Variants in CMPK2 observed in about 807,000 individuals in gnomAD.
The protein encoded by CMPK2 is cytidine/uridine monophosphate kinase 2, also known as UMP-CMP kinase 2, mitochondrial.
Under a neutral mutation model 33.4 loss-of-function variants are expected in CMPK2, and 32 were observed. The observed-to-expected ratio is 0.96, with a 90% confidence interval of 0.72 to 1.29. CMPK2 has a LOEUF of 1.29. Ranked by LOEUF, CMPK2 falls within the 50% of genes most tolerant of loss-of-function variation. The pLI, the probability that CMPK2 is intolerant of heterozygous loss-of-function variation, is 0.00. For missense variants in CMPK2, 672 were observed against 616.0 expected (o/e 1.09, Z -0.96); for synonymous variants, 299 against 275.3 (o/e 1.09, Z -0.85).
rs1273071175 is a variant in CMPK2, at chr2:6,842,994, G to T, written c.993-2316C>A. 3.3e-5 allele frequency among the ~76,000 whole-genome samples: 5 copies of T among 152,122 alleles called. No individual in the cohort carries two copies. The East Asian group carries it at 9.6e-4, about 29-fold the overall frequency. On this transcript the variant is annotated intron_variant, in intron 3 of 3. Coordinates refer to the CMPK2 transcript ENST00000458098. ...TTAAGAAGAGCCTCAGTGCATTTTT[G>T]AGAAAGTCCCTCAGTTGGGACACAG...
Position 6,865,340 on chromosome 2 carries a change from G to C in CMPK2, c.357C>G (p.Cys119Trp). The change falls in exon 1 of 5, where the codon TGC becomes TGG. Residue 119 changes from cysteine to tryptophan, a missense_variant. By Grantham distance (215) the Cys-to-Trp change is radical (BLOSUM62 -2). Coordinates refer to ENST00000256722, the MANE Select transcript of CMPK2 (RefSeq NM_207315.4). ...RCQLLRLLCY[C>W]PGGQAGGAQQ... ...GTGCGCCGCCGGCCTGGCCGCCCGGGCAGTAGCAGAGCAGCCTGAGCAGCT... is the reference window on the plus strand; with the variant it reads ...GTGCGCCGCCGGCCTGGCCGCCCGGCCAGTAGCAGAGCAGCCTGAGCAGCT... 2 of 1,484,628 alleles carry C rather than the reference G, an allele frequency of 1.3e-6. No homozygotes were observed. The highest frequency in any genetic ancestry group is 1.5e-5 in the African/African-American group (1 of 68,630). The allele number at this position is 1,484,628 out of a possible 1,614,324, so 92.0% of individuals were successfully genotyped here. A position where few individuals can be genotyped will look rare whatever the true frequency, so the allele number is the denominator to read the frequency against.
At chr2:6,843,881 C>T (rs1662291318), downstream of CMPK2, among the ~76,000 whole-genome samples, 1 of 152,190 alleles carries the variant, frequency 6.6e-6, no homozygotes, top group Admixed American at 6.5e-5. Flanking sequence ...AGGAAGTCTA[C>T]CTTTCTCCTT....
At position 6,865,303 on chromosome 2, in the gene CMPK2, G is replaced by A; in HGVS notation, c.394C>T (p.Leu132=). 4.6e-6 allele frequency: 7 copies of A among 1,522,906 alleles called. No individual in the cohort carries two copies. The highest frequency in any genetic ancestry group is 6.1e-6 in the Non-Finnish European group (7 of 1,143,228). The allele number at this position is 1,522,906 out of a possible 1,614,324, so 94.3% of individuals were successfully genotyped here. Residue 132 remains leucine, a synonymous_variant, in exon 1 of 5, where the codon CTG becomes TTG. Coordinates refer to ENST00000256722, the MANE Select transcript of CMPK2 (RefSeq NM_207315.4). The part of the protein sequence containing the change: ...GQAGGAQQGF[L]LRDPLDDPDT... ...GGGTCATCCAGGGGGTCGCGCAGCA[G>A]GAAGCCTTGCTGTGCGCCGCCGGCC...
intron 3 of CMPK2, 80 bp downstream of exon 3, chr2:6,861,100 ACACG>A (rs143273319): frequency 2.7e-3 from 127 of 47,722 alleles, no homozygotes; most frequent in Admixed American, 0.014. Context: ...GTATACACAC[ACACG>A]CACACACACA....
At position 6,848,530 on chromosome 2, in the gene CMPK2, A is replaced by G; in HGVS notation, c.*1320T>C. 1 of 952,486 alleles carries G rather than the reference A, an allele frequency of 1.0e-6. No homozygotes were observed. The highest frequency in any genetic ancestry group is 4.8e-5 in the South Asian group (1 of 20,640). 59.0% of individuals were successfully genotyped at this position (952,486 alleles called of 1,614,324 possible). A position where few individuals can be genotyped will look rare whatever the true frequency, so the allele number is the denominator to read the frequency against. On this transcript the variant is annotated 3_prime_UTR_variant, in exon 5 of 5. Transcript: ENST00000256722. ...AAATCAATTACATTTTAATATACAC[A>G]TATTATATAGAAATTACCTATAGCT...
intron 2 of CMPK2, among the ~76,000 whole-genome samples, chr2:6,862,984 T>C (rs1366562782): frequency 6.6e-6 from 1 of 151,964 alleles, no homozygotes; most frequent in South Asian, 2.1e-4. Context: ...CTCAGAAGGC[T>C]TTTTTTTCTT....
At chr2:6,843,171 G>T (rs934637634) in intron 3 of CMPK2, among the ~76,000 whole-genome samples, 4 of 152,316 alleles carry the variant, frequency 2.6e-5, no homozygotes, top group East Asian at 3.9e-4. Context: ...TGATTGGAGG[G>T]ATCCTCTAAA....
downstream of CMPK2, among the ~76,000 whole-genome samples, chr2:6,845,290 G>T (rs1255190067): frequency 6.6e-6 from 1 of 152,096 alleles, no homozygotes; most frequent in African/African-American, 2.4e-5. Flanking sequence ...TTTATCATCA[G>T]AACCTCAGCA....
At chr2:6,842,751 T>A (rs1662263469) in intron 3 of CMPK2, among the ~76,000 whole-genome samples, 1 of 152,178 alleles carries the variant, frequency 6.6e-6, no homozygotes, top group Admixed American at 6.5e-5. Flanking sequence ...AAGGGTGAAC[T>A]ATTTCACTGT....
At chr2:6,861,659 C>T (rs925191691) in intron 2 of CMPK2, among the ~76,000 whole-genome samples, 1 of 152,168 alleles carries the variant, frequency 6.6e-6, no homozygotes, top group Non-Finnish European at 1.5e-5. Flanking sequence ...CCCGGCAGCC[C>T]AGCTACTGCT....
chr2:6,859,833 G>C (rs1161448052), intron 3 of CMPK2, among the ~76,000 whole-genome samples: 5 of 152,210 alleles, frequency 3.3e-5, no homozygotes, highest in East Asian at 3.8e-4. Context: ...TGTTTGAAGA[G>C]AGCCACTGTC....
chr2:6,852,331 T>C (rs1027924199), intron 3 of CMPK2, among the ~76,000 whole-genome samples: 6 of 152,194 alleles, frequency 3.9e-5, no homozygotes, highest in African/African-American at 1.2e-4. Context: ...GTTATTACCA[T>C]ACACAAAAGT....
chr2:6,840,719 C>T (rs1328029683), intron 3 of CMPK2: 7 of 700,694 alleles, frequency 1.0e-5, no homozygotes, highest in Non-Finnish European at 1.8e-5. Flanking sequence ...TCACCAGTAC[C>T]AAGTCTCCTT....
intron 3 of CMPK2, among the ~76,000 whole-genome samples, chr2:6,851,915 AC>A (rs571815536): frequency 7.2e-5 from 11 of 152,228 alleles, no homozygotes; most frequent in Non-Finnish European, 1.6e-4. Flanking sequence ...AGCTCCATTG[AC>A]CCATCTCAAA....
chr2:6,865,285 C>T lies in CMPK2; in HGVS notation c.412G>A (p.Asp138Asn). ...QQGFLLRDPLDDPDTRQALLE... is the reference protein window; with the variant it reads ...QQGFLLRDPLNDPDTRQALLE... ...AGCGCTTGCCGGGTGTCAGGGTCAT[C>T]CAGGGGGTCGCGCAGCAGGAAGCCT... The change falls in exon 1 of 5, where the codon GAT becomes AAT. Residue 138 changes from aspartate (D) to asparagine (N), a missense_variant. Asp to Asn is a conservative substitution (Grantham distance 23, BLOSUM62 1). Transcript: ENST00000256722. The T allele has an allele frequency of 6.5e-7, 1 of 1,531,420 alleles. No individual in the cohort carries two copies. The highest frequency in any genetic ancestry group is 1.4e-5 in the African/African-American group (1 of 70,218). The allele number at this position is 1,531,420 out of a possible 1,614,324, so 94.9% of individuals were successfully genotyped here.
At chr2:6,848,242 T>C (rs1662412792), downstream of CMPK2, 1 of 643,498 alleles carries the variant, frequency 1.6e-6, no homozygotes, top group Admixed American at 6.3e-5. Flanking sequence ...TTCCCTCCTT[T>C]ACATCACAAT....
intron 1 of CMPK2, 98 bp downstream of exon 1, chr2:6,864,924 G>A (rs2103230004): frequency 7.5e-7 from 1 of 1,331,304 alleles, no homozygotes; most frequent in Non-Finnish European, 9.7e-7. Flanking sequence ...AAACCACCCA[G>A]GCAAGAACCG....
intron 3 of CMPK2, among the ~76,000 whole-genome samples, chr2:6,841,462 T>A (rs1189050092): frequency 1.3e-5 from 2 of 152,224 alleles, no homozygotes; most frequent in African/African-American, 4.8e-5. Context: ...GATATTTACC[T>A]GAGAACAACC....
intron 4 of CMPK2, 187 bp downstream of exon 4, chr2:6,851,263 A>G (rs969223205): frequency 3.6e-5 from 51 of 1,421,594 alleles, no homozygotes; most frequent in South Asian, 4.4e-5. Flanking sequence ...TTGCTTTAAG[A>G]TAACAATGCT....
Sources: allele counts gnomAD v4.1 joint callset (sites outside exome capture counted in the v4.1 genomes callset), GRCh38; gene constraint gnomAD v4.1.1; transcripts MANE v1.5; gene names NCBI Gene and HGNC (gene_info 2026-07-23, HGNC 2026-07-21).